DIAPH3: variants seen among roughly 807,000 people sequenced by gnomAD.
DIAPH3 encodes diaphanous related formin 3, also known as protein diaphanous homolog 3.
A neutral mutation model predicts 144.3 loss-of-function variants in DIAPH3; 117 were observed. The ratio of observed to expected loss-of-function variants is 0.81; its 90% confidence interval spans 0.70 to 0.95. The LOEUF is 0.95. Among genes scored for constraint, DIAPH3 ranks in the 40% least tolerant of loss-of-function variants. The pLI, the probability that DIAPH3 is intolerant of heterozygous loss-of-function variation, is 0.00. For missense variants in DIAPH3, 1,421 were observed against 1,412.7 expected, an observed-to-expected ratio of 1.01 and a Z score of -0.09; for synonymous variants, 519 against 488.9, an observed-to-expected ratio of 1.06 and a Z score of -0.81.
In DIAPH3 at chr13:59,737,918, G is replaced by C. The variant is rs1593712773; in HGVS notation, c.3319+36271C>G. Among the ~76,000 whole-genome samples the C allele has an allele frequency of 2.0e-5, 3 of 152,236 alleles. 1 individual carries two copies. Among genetic ancestry groups the C allele is most frequent in the Admixed American group, 2.0e-4 (3 of 15,286 alleles). ...ACAGTGGCTCATGGCTATAATCCCAGCACTTTGGGAGGCCGAGGTGGGTGC... is the reference window on the plus strand; with the variant it reads ...ACAGTGGCTCATGGCTATAATCCCACCACTTTGGGAGGCCGAGGTGGGTGC... On this transcript the variant is annotated intron_variant, in intron 27 of 27. Transcript: ENST00000400324.
In DIAPH3 at chr13:59,753,721, T is replaced by A. The variant is rs1379661811; in HGVS notation, c.3319+20468A>T. On this transcript the variant is annotated intron_variant, in intron 27 of 27. Coordinates refer to ENST00000400324, the MANE Select transcript of DIAPH3 (RefSeq NM_001042517.2). ...TATATTTCTTATGCTTATGGATGTTTTAGGATAATAGAAGCAGAATTGTAA... is the reference window on the plus strand; with the variant it reads ...TATATTTCTTATGCTTATGGATGTTATAGGATAATAGAAGCAGAATTGTAA... Among the ~76,000 whole-genome samples the A allele has an allele frequency of 3.3e-5, 5 of 152,148 alleles. No individual in the cohort carries two copies. The East Asian group carries it at 9.6e-4, about 29-fold the overall frequency.
chr13:59,872,779 G>C (rs1429510256), intron 21 of DIAPH3, among the ~76,000 whole-genome samples: 1 of 152,182 alleles, frequency 6.6e-6, no homozygotes, highest in Non-Finnish European at 1.5e-5. Flanking sequence ...TGGGGTAGTT[G>C]TCTATAAGCC....
At chr13:59,977,623 G>A (rs963614803) in intron 14 of DIAPH3, among the ~76,000 whole-genome samples, 22 of 151,710 alleles carry the variant, frequency 1.5e-4, no homozygotes, top group African/African-American at 9.7e-5. Context: ...TTATCCAAGC[G>A]AGAACTGAAG....
intron 4 of DIAPH3, among the ~76,000 whole-genome samples, chr13:60,048,960 A>T (rs2056208354): frequency 6.6e-6 from 1 of 152,298 alleles, no homozygotes; most frequent in East Asian, 1.9e-4. Context: ...AAGCAGGAGG[A>T]AAAAAATGAA....
intron 27 of DIAPH3, among the ~76,000 whole-genome samples, chr13:59,668,348 C>T (rs764232332): frequency 2.0e-5 from 3 of 152,178 alleles, no homozygotes; most frequent in Admixed American, 6.5e-5. Context: ...CTGCTCCTTC[C>T]CCAAAATGTT....
At chr13:60,043,386 GA>G (rs922288116) in intron 4 of DIAPH3, among the ~76,000 whole-genome samples, 1 of 152,222 alleles carries the variant, frequency 6.6e-6, no homozygotes, top group African/African-American at 2.4e-5. Context: ...TAACTTGGCA[GA>G]ACAGATCAGG....
chr13:60,139,914 T>C (rs1371087627), intron 1 of DIAPH3, among the ~76,000 whole-genome samples: 1 of 152,198 alleles, frequency 6.6e-6, no homozygotes, highest in Non-Finnish European at 1.5e-5. Flanking sequence ...TTTTGCAACA[T>C]GTCCAGGGAA....
intron 25 of DIAPH3, among the ~76,000 whole-genome samples, chr13:59,794,591 T>C (rs1335268416): frequency 2.6e-5 from 4 of 152,202 alleles, no homozygotes; most frequent in Admixed American, 6.5e-5. Context: ...TGGTGCAAGA[T>C]TTTTTTCTTC....
At chr13:59,970,486 T>A (rs1341837079) in intron 16 of DIAPH3, among the ~76,000 whole-genome samples, 1 of 152,142 alleles carries the variant, frequency 6.6e-6, no homozygotes, top group Non-Finnish European at 1.5e-5. Context: ...TTTCCCAACA[T>A]CTATCAATAG....
At chr13:59,880,978 C>CAAAAAAAA (rs77481523) in intron 20 of DIAPH3, among the ~76,000 whole-genome samples, 6 of 64,806 alleles carry the variant, frequency 9.3e-5, no homozygotes, top group East Asian at 6.8e-4. Flanking sequence ...CAACAAGGAC[C>CAAAAAAAA]AAAAAAAAAA....
At chr13:59,828,438 C>T (rs1020525032) in intron 24 of DIAPH3, among the ~76,000 whole-genome samples, 3 of 151,738 alleles carry the variant, frequency 2.0e-5, no homozygotes, top group African/African-American at 7.3e-5. Context: ...TTATCAAAAA[C>T]ACTCTTAAAA....
At chr13:60,002,705 C>T (rs2140901343) in intron 9 of DIAPH3, among the ~76,000 whole-genome samples, 1 of 152,304 alleles carries the variant, frequency 6.6e-6, no homozygotes, top group Non-Finnish European at 1.5e-5. Context: ...AGCATTCTAT[C>T]ACTGCAGACC....
At chr13:59,951,533 C>T (rs2049097552) in intron 17 of DIAPH3, among the ~76,000 whole-genome samples, 1 of 152,084 alleles carries the variant, frequency 6.6e-6, no homozygotes, top group South Asian at 2.1e-4. Context: ...TTGCAAGCTT[C>T]TCAGTCATAT....
chr13:60,154,078 C>T (rs1951917543), intron 1 of DIAPH3, among the ~76,000 whole-genome samples: 1 of 152,078 alleles, frequency 6.6e-6, no homozygotes, highest in Non-Finnish European at 1.5e-5. Context: ...AATGGCTCTG[C>T]CTCCAGCACA....
chr13:59,943,356 T>C (rs1197046408), intron 17 of DIAPH3, among the ~76,000 whole-genome samples: 1 of 152,200 alleles, frequency 6.6e-6, no homozygotes, highest in Non-Finnish European at 1.5e-5. Context: ...TTCCTGCTTC[T>C]AGACCACTGT....
chr13:59,820,835 T>TACTA (rs1481281232), intron 24 of DIAPH3, among the ~76,000 whole-genome samples: 8 of 149,996 alleles, frequency 5.3e-5, no homozygotes, highest in Admixed American at 6.6e-5. Flanking sequence ...ATACTATTTA[T>TACTA]TTAACTATTA....
chr13:60,163,750 G>C lies in DIAPH3; in HGVS notation c.17C>G (p.Pro6Arg), dbSNP rs1475092096. MERHQ[P>R]RLHHPAQGSA... ...GCCTTGGGCCGGGTGGTGCAGCCGC[G>C]GCTGGTGCCGTTCCATCTTTCCCCG... The change falls in exon 1 of 28, where the codon CCG (proline) becomes CGG (arginine). Residue 6 changes from proline (P) to arginine (R), a missense_variant. Transcript: ENST00000400324. 2 of 1,593,944 alleles carry C rather than the reference G, an allele frequency of 1.3e-6. No individual in the cohort carries two copies. The highest frequency in any genetic ancestry group is 4.6e-5 in the East Asian group (2 of 43,936).
chr13:60,008,965 T>C (rs1377546091), intron 8 of DIAPH3, among the ~76,000 whole-genome samples: 1 of 152,166 alleles, frequency 6.6e-6, no homozygotes, highest in Non-Finnish European at 1.5e-5. Context: ...GGTACTATAA[T>C]TAACCCGTAT....
chr13:59,692,298 GTAAA>G (rs2033571329), intron 27 of DIAPH3, among the ~76,000 whole-genome samples: 1 of 151,796 alleles, frequency 6.6e-6, no homozygotes, highest in South Asian at 2.1e-4. Flanking sequence ...GGTATGAATG[GTAAA>G]TAAATAATTA....
Sources: allele counts gnomAD v4.1 joint callset (sites outside exome capture counted in the v4.1 genomes callset), GRCh38; gene constraint gnomAD v4.1.1; transcripts MANE v1.5; gene names NCBI Gene and HGNC (gene_info 2026-07-23, HGNC 2026-07-21).